Variants in ADCYAP1R1 observed in about 807,000 individuals in gnomAD.
ADCYAP1R1 encodes pituitary adenylate cyclase-activating polypeptide type I receptor.
Under a neutral mutation model 67.6 loss-of-function variants are expected in ADCYAP1R1, and 44 were observed. The ratio of observed to expected loss-of-function variants is 0.65; its 90% CI spans 0.51 to 0.84. The LOEUF (loss-of-function observed/expected upper bound fraction) is 0.84. Ranked by LOEUF, ADCYAP1R1 falls within the 40% of genes least tolerant of loss-of-function variation. The pLI is 0.00. For missense variants in ADCYAP1R1, 477 were observed against 587.9 expected, an observed-to-expected ratio of 0.81 and a Z score of 1.95; for synonymous variants, 222 against 219.6, an observed-to-expected ratio of 1.01 and a Z score of -0.10.
intron 13 of ADCYAP1R1, among the ~76,000 whole-genome samples, chr7:31,099,718 G>T (rs4723047): frequency 1.3e-5 from 2 of 151,978 alleles, no homozygotes; most frequent in Non-Finnish European, 2.9e-5. Context: ...GCAGAAGATC[G>T]GCAGTGTGAG....
intron 3 of ADCYAP1R1, among the ~76,000 whole-genome samples, chr7:31,072,062 A>G (rs1290404892): frequency 1.4e-5 from 2 of 143,546 alleles, no homozygotes; most frequent in Non-Finnish European, 3.0e-5. Flanking sequence ...GAAGCCAGAA[A>G]CCTGGGAGAC....
At chr7:31,080,501 G>A (rs1164924905) in intron 4 of ADCYAP1R1, 112 bp from the exon 5 acceptor site, 3 of 1,104,524 alleles carry the variant, frequency 2.7e-6, no homozygotes, top group Non-Finnish European at 4.0e-6. Flanking sequence ...AATGTTTGGG[G>A]TTGGGAAGGA....
chr7:31,094,908 T>A (rs543261176), intron 13 of ADCYAP1R1, among the ~76,000 whole-genome samples: 7 of 152,210 alleles, frequency 4.6e-5, no homozygotes, highest in East Asian at 3.9e-4. Context: ...CTTTTTTTTT[T>A]AGAGAAAGTC....
chr7:31,077,409 G>C (rs62446967), intron 3 of ADCYAP1R1, among the ~76,000 whole-genome samples: 1 of 59,440 alleles, frequency 1.7e-5, no homozygotes. Flanking sequence ...TGTGTGGTGT[G>C]TGTGTGATGT....
intron 13 of ADCYAP1R1, 56 bp from the exon 14 acceptor site, chr7:31,103,181 C>A: frequency 6.3e-7 from 1 of 1,595,032 alleles, no homozygotes; most frequent in Non-Finnish European, 8.6e-7. Context: ...CCCTCCGTGG[C>A]TCTGGCCCCG....
At chr7:31,094,503 G>T (rs989002271) in intron 13 of ADCYAP1R1, among the ~76,000 whole-genome samples, 3 of 152,118 alleles carry the variant, frequency 2.0e-5, no homozygotes, top group Non-Finnish European at 4.4e-5. Context: ...TCTCGTTTGA[G>T]CTCTAGTGGT....
chr7:31,102,743 A>G lies in ADCYAP1R1; in HGVS notation c.1047-494A>G, dbSNP rs1458623430. Among the ~76,000 whole-genome samples the G allele has an allele frequency of 6.6e-6, 1 of 151,958 alleles. No homozygotes were observed. On this transcript the variant is annotated intron_variant, in intron 13 of 15. Coordinates refer to ENST00000304166, the MANE Select transcript of ADCYAP1R1 (RefSeq NM_001118.5). This position sits in a 1 kb window ranked among gnomAD's most constrained non-coding sequence, Gnocchi z 4.3. The stretch of plus-strand genomic sequence containing the variant: ...GAGCCTTTCCTCCCTCCCTGCCATC[A>G]GCACTTCCCCATCACTTGGTGAGTG...
At chr7:31,094,372 C>T (rs1016251246) in intron 13 of ADCYAP1R1, among the ~76,000 whole-genome samples, 3 of 152,072 alleles carry the variant, frequency 2.0e-5, no homozygotes, top group Admixed American at 6.5e-5. Flanking sequence ...CATCTCCTGT[C>T]TAGTGTTGGA....
At chr7:31,068,191 T>G (rs1292947662) in intron 3 of ADCYAP1R1, among the ~76,000 whole-genome samples, 1 of 151,190 alleles carries the variant, frequency 6.6e-6, no homozygotes, top group East Asian at 1.9e-4. Flanking sequence ...TCTGTCTCTC[T>G]CAGACACGCA....
chr7:31,088,904 T>C (rs1584522938), intron 12 of ADCYAP1R1, among the ~76,000 whole-genome samples: 1 of 152,194 alleles, frequency 6.6e-6, no homozygotes, highest in East Asian at 1.9e-4. Flanking sequence ...TAGTTAAGAT[T>C]TGTGTAGGAA....
intron 13 of ADCYAP1R1, among the ~76,000 whole-genome samples, chr7:31,096,564 G>A (rs1049988696): frequency 2.2e-4 from 34 of 152,320 alleles, no homozygotes; most frequent in African/African-American, 7.9e-4. Context: ...AGATGACCCA[G>A]CAGTCAGTGG....
intron 1 of ADCYAP1R1, among the ~76,000 whole-genome samples, chr7:31,055,328 AGTGT>A (rs34731040): frequency 0.32 from 48,076 of 148,230 alleles, 7,965 homozygotes; most frequent in African/African-American, 0.41. Context: ...AATGGAGGAA[AGTGT>A]GTGTGTGTGT....
chr7:31,079,308 G>A (rs1795416063), intron 4 of ADCYAP1R1, among the ~76,000 whole-genome samples: 1 of 152,218 alleles, frequency 6.6e-6, no homozygotes, highest in African/African-American at 2.4e-5. Flanking sequence ...CTGAGTTGGG[G>A]CTGGGCAGGG....
intron 13 of ADCYAP1R1, among the ~76,000 whole-genome samples, chr7:31,101,512 G>A (rs754604699): frequency 7.2e-5 from 11 of 152,144 alleles, no homozygotes; most frequent in Non-Finnish European, 1.2e-4. Context: ...GCCCCTATAG[G>A]TAGGGCCACA....
intron 4 of ADCYAP1R1, among the ~76,000 whole-genome samples, chr7:31,079,377 G>A (rs1013088794): frequency 3.3e-5 from 5 of 152,218 alleles, no homozygotes; most frequent in South Asian, 2.1e-4. Flanking sequence ...TGGCCATCAA[G>A]CCATGGGCGG....
At position 31,081,108 on chromosome 7, in the gene ADCYAP1R1, G is replaced by A. The variant is rs542462157; in HGVS notation, c.286+475G>A. On this transcript the variant is annotated intron_variant, in intron 5 of 15. Coordinates refer to ENST00000304166, the MANE Select transcript of ADCYAP1R1 (RefSeq NM_001118.5). ...TCAGGGGAGGCTTCCAGGAAGAGGT[G>A]GCATGTCAGCTGGACCTTGGGAAAG... Among the ~76,000 whole-genome samples the A allele has an allele frequency of 3.3e-5, 5 of 152,294 alleles. No homozygotes were observed. The South Asian group carries it at 1.0e-3, about 32-fold the overall frequency.
At position 31,079,396 on chromosome 7, in the gene ADCYAP1R1, G is replaced by A. The variant is rs140890805; in HGVS notation, c.266-1217G>A. Among the ~76,000 whole-genome samples, 45 of 152,308 alleles carry A rather than the reference G, an allele frequency of 3.0e-4. No individual in the cohort carries two copies. The East Asian group carries it at 7.9e-3, about 27-fold the overall frequency. ...CATCAAGCCATGGGCGGGGGCTCCCGAGGGTATCAGAGGGATCTGAGTTGT... is the reference window on the plus strand; with the variant it reads ...CATCAAGCCATGGGCGGGGGCTCCCAAGGGTATCAGAGGGATCTGAGTTGT... On this transcript the variant is annotated intron_variant, in intron 4 of 15. Transcript: ENST00000304166.
rs1796849373 is a variant in ADCYAP1R1 at position 31,111,165 on chromosome 7, T to G, written c.*4481T>G. 6.6e-6 allele frequency: 1 copy of G among 152,242 alleles called. No homozygotes were observed. Among genetic ancestry groups the G allele is most frequent in the South Asian group, 2.1e-4 (1 of 4,830 alleles). 9.4% of individuals were successfully genotyped at this position (152,242 alleles called of 1,614,324 possible). A position where few individuals can be genotyped will look rare whatever the true frequency, so the allele number is the denominator to read the frequency against. ...TGGGACATTTTGGTGTGCCCATTCC[T>G]TCTTTTCCTGAACTCACAGTCTTGG... On this transcript the variant is annotated 3_prime_UTR_variant, in exon 16 of 16. Coordinates refer to ENST00000304166, the MANE Select transcript of ADCYAP1R1 (RefSeq NM_001118.5).
intron 13 of ADCYAP1R1, chr7:31,095,538 T>G: frequency 1.4e-6 from 1 of 694,880 alleles, no homozygotes; most frequent in East Asian, 2.7e-5. Context: ...GAGAGGGCAG[T>G]GAATGGGGGG....
Sources: allele counts gnomAD v4.1 joint callset (sites outside exome capture counted in the v4.1 genomes callset), GRCh38; gene constraint gnomAD v4.1.1; non-coding constraint Gnocchi (gnomAD v3.1); transcripts MANE v1.5; gene names NCBI Gene and HGNC (gene_info 2026-07-23, HGNC 2026-07-21).